Variants in MDC1 observed in about 807,000 individuals in gnomAD.
The protein encoded by MDC1 is mediator of DNA damage checkpoint protein 1.
Under a neutral mutation model 142.5 loss-of-function variants are expected in MDC1, and 81 were observed. That is an observed-to-expected ratio of 0.57 (90% CI 0.47 to 0.68). The LOEUF (loss-of-function observed/expected upper bound fraction) is 0.68. Ranked by LOEUF, MDC1 falls within the 30% of genes least tolerant of loss-of-function variation. The pLI is 0.00. For missense variants in MDC1, 2,119 were observed against 2,547.9 expected, an observed-to-expected ratio of 0.83 and a Z score of 3.62; for synonymous variants, 797 against 968.4, an observed-to-expected ratio of 0.82 and a Z score of 3.29.
intron 14 of MDC1, among the ~76,000 whole-genome samples, chr6:30,701,494 C>T (rs1400941291): frequency 6.6e-6 from 1 of 151,988 alleles, no homozygotes; most frequent in East Asian, 1.9e-4. Context: ...TACAGAGGAA[C>T]AAGATAAATT....
In MDC1 at chr6:30,706,029, G is replaced by A. The variant is rs761031848; in HGVS notation, c.3154C>T (p.Pro1052Ser). Residue 1052 changes from proline to serine, a missense_variant, in exon 10 of 15, where the codon CCC (proline) becomes TCC (serine). Pro to Ser is a moderately conservative substitution (Grantham distance 74, BLOSUM62 -1). Coordinates refer to ENST00000376406, the MANE Select transcript of MDC1 (RefSeq NM_014641.3). ...VPEAPAPPQKPLNSQSQKHLA... is the reference protein window; with the variant it reads ...VPEAPAPPQKSLNSQSQKHLA... ...TGTTTCTGGCTCTGAGAGTTAAGGG[G>A]CTTTTGGGGTGGGGCTGGGGCTTCA... The A allele has an allele frequency of 4.4e-6, 7 of 1,605,194 alleles. No homozygotes were observed. Among genetic ancestry groups the A allele is most frequent in the South Asian group, 2.2e-5 (2 of 91,074 alleles).
chr6:30,702,256 C>CAAAAAAAAAAAA (rs57764077), intron 14 of MDC1, among the ~76,000 whole-genome samples: 35 of 59,112 alleles, frequency 5.9e-4, no homozygotes, highest in East Asian at 2.8e-3. Flanking sequence ...GACTCCATCT[C>CAAAAAAAAAAAA]AAAAAAAAAA....
rs1055321909 is a variant in MDC1 at position 30,708,028 on chromosome 6, C to T, written c.2551G>A (p.Glu851Lys). Reference sequence around the variant, plus strand: ...CTGTCCTGTTTCCCCTTGGTTAATTCTTCCTCTCCTGTCACATCTGTCTGT... The same window carrying T: ...CTGTCCTGTTTCCCCTTGGTTAATTTTTCCTCTCCTGTCACATCTGTCTGT... ...ERQTDVTGEE[E>K]LTKGKQDREQ... Residue 851 changes from glutamate (E) to lysine (K), a missense_variant, in exon 8 of 15, where the codon GAA (glutamate) becomes AAA (lysine). By Grantham distance (56) the Glu-to-Lys change is moderately conservative. Transcript: ENST00000376406. 2.5e-6 allele frequency: 4 copies of T among 1,612,892 alleles called. No homozygotes were observed. The East Asian group carries it at 6.7e-5, about 27-fold the overall frequency.
intron 8 of MDC1, 23 bp from the exon 9 acceptor site, chr6:30,707,477 G>C: frequency 6.2e-7 from 1 of 1,613,074 alleles, no homozygotes; most frequent in Non-Finnish European, 8.5e-7. Context: ...TAAACACAAA[G>C]GTGGCTGAGT....
chr6:30,706,620 T>TAAA (rs9278748), intron 9 of MDC1, among the ~76,000 whole-genome samples: 1 of 42,786 alleles, frequency 2.3e-5, no homozygotes, highest in Admixed American at 3.5e-4. Flanking sequence ...AGACTCTGTC[T>TAAA]AAAAAAAAAA....
rs1437058557 is a variant in MDC1 at position 30,711,862 on chromosome 6, G to A, written c.2068+12C>T. 1 of 1,537,204 alleles carries A rather than the reference G, an allele frequency of 6.5e-7. No individual in the cohort carries two copies. The highest frequency in any genetic ancestry group is 1.4e-5 in the African/African-American group (1 of 72,608). On this transcript the variant is annotated intron_variant, in intron 5 of 14. Transcript: ENST00000376406. ...TGATTTCAGAGGTCTAGGAAGGAAG[G>A]CCAGCACTTACCACCATAGTTGTCT...
intron 7 of MDC1, 59 bp downstream of exon 7, chr6:30,711,352 CA>C: frequency 2.1e-6 from 3 of 1,459,308 alleles, no homozygotes; most frequent in Non-Finnish European, 2.9e-6. Flanking sequence ...GCCTGAGTGA[CA>C]GAGGAAAAAA....
chr6:30,700,753 C>A, intron 14 of MDC1, 121 bp from the exon 15 acceptor site: 1 of 969,966 alleles, frequency 1.0e-6, no homozygotes, highest in East Asian at 2.5e-5. Context: ...CCAAGTGAAG[C>A]ACACCGCATA....
chr6:30,708,402 A>AAGAGGG, intron 7 of MDC1, 45 bp from the exon 8 acceptor site: 1 of 1,514,610 alleles, frequency 6.6e-7, no homozygotes, highest in Non-Finnish European at 9.0e-7. Context: ...AGGGAGAGAA[A>AAGAGGG]AGAGGGAGAG....
In MDC1 at chr6:30,716,227, CT is replaced by C. The variant is rs113041889; in HGVS notation, c.-4+1017del. ...ATTCAGTTCAAATGTCACTTTCTTTCTTTTTTTTTTTTTTGAGATGGAATCT... is the reference window on the plus strand; with the variant it reads ...ATTCAGTTCAAATGTCACTTTCTTTCTTTTTTTTTTTTTGAGATGGAATCT... On this transcript the variant is annotated intron_variant, in intron 1 of 14. Coordinates refer to ENST00000376406, the MANE Select transcript of MDC1 (RefSeq NM_014641.3). The surrounding 1 kb of genome is among the most constrained non-coding windows in gnomAD (Gnocchi z 4.4). Among the ~76,000 whole-genome samples the C allele has an allele frequency of 1.9e-3, 273 of 144,160 alleles. No individual in the cohort carries two copies. The highest frequency in any genetic ancestry group is 2.1e-3 in the Non-Finnish European group (135 of 65,276). 94.6% of individuals were successfully genotyped at this position (144,160 alleles called of 152,430 possible).
chr6:30,713,144 C>T lies in MDC1; in HGVS notation c.798G>A (p.Lys266=), dbSNP rs747614617. Residue 266 remains lysine (K), a synonymous_variant, in exon 5 of 15, where the codon AAG becomes AAA. Coordinates refer to ENST00000376406, the MANE Select transcript of MDC1 (RefSeq NM_014641.3). The surrounding 1 kb of genome is among the most constrained non-coding windows in gnomAD (Gnocchi z 4.9). ...TGACTTTTGTATCATTGTCCCTCTC[C>T]TTCACTAAAGGCTGATCCTTTTCAA... is the stretch of plus-strand genomic sequence containing the variant. ...IQLEKDQPLV[K]ERDNDTKVKR... 7 of 1,612,906 alleles carry T rather than the reference C, an allele frequency of 4.3e-6. No homozygotes were observed. The highest frequency in any genetic ancestry group is 5.9e-6 in the Non-Finnish European group (7 of 1,179,834).
chr6:30,702,053 G>A (rs1375846716), intron 14 of MDC1, among the ~76,000 whole-genome samples: 1 of 151,738 alleles, frequency 6.6e-6, no homozygotes, highest in Non-Finnish European at 1.5e-5. Context: ...ATGACCTCAG[G>A]AGATCAAGAC....
intron 7 of MDC1, 30 bp from the exon 8 acceptor site, chr6:30,708,387 G>C: frequency 6.4e-7 from 1 of 1,564,938 alleles, no homozygotes; most frequent in African/African-American, 1.4e-5. Context: ...GAGAGAGAGA[G>C]GGAGAGGGAG....
rs897856130 is a variant in MDC1 at position 30,702,962 on chromosome 6, A to G, written c.5866-85T>C. The stretch of plus-strand genomic sequence containing the variant: ...CTAGCATTTAGAGAGAGCTCACAAA[A>G]TGTCTTTTAAATCAATGCAGGCTTC... On this transcript the variant is annotated intron_variant, in intron 12 of 14. Transcript: ENST00000376406. 8 of 1,599,530 alleles carry G rather than the reference A, an allele frequency of 5.0e-6. No homozygotes were observed. The East Asian group carries it at 1.3e-4, about 27-fold the overall frequency.
Position 30,713,597 on chromosome 6 carries a change from C to T in MDC1, c.587+51G>A, listed in dbSNP as rs774696758. ...CTTTTAGAGATTGATCCTCCAGCCC[C>T]TGGTTCTTCCTCATTTTGAAGACTC... On this transcript the variant is annotated intron_variant, in intron 4 of 14. Transcript: ENST00000376406. This position sits in a 1 kb window ranked among gnomAD's most constrained non-coding sequence, Gnocchi z 4.9. 15 of 1,559,170 alleles carry T rather than the reference C, an allele frequency of 9.6e-6. No homozygotes were observed. The highest frequency in any genetic ancestry group is 1.3e-5 in the Non-Finnish European group (15 of 1,135,342).
rs768146140 is a variant in MDC1, at chr6:30,711,500, G to A, written c.2133C>T (p.Val711=). The change falls in exon 7 of 15, where the codon GTC becomes GTT. Residue 711 remains valine, a synonymous_variant. Transcript: ENST00000376406. ...GGGTAGGTTCATCCTCCATGCTCTG[G>A]ACTGCTGTACAGGAAAAGATGGCCT... is the stretch of plus-strand genomic sequence containing the variant. ...CFLENQGLEA[V]QSMEDEPTQA... The A allele has an allele frequency of 1.2e-6, 2 of 1,612,988 alleles. No individual in the cohort carries two copies. The highest frequency in any genetic ancestry group is 1.7e-6 in the Non-Finnish European group (2 of 1,179,948).
chr6:30,707,339 A>C, intron 9 of MDC1, 45 bp downstream of exon 9: 1 of 1,557,296 alleles, frequency 6.4e-7, no homozygotes, highest in East Asian at 2.2e-5. Context: ...TGGAGAAGAT[A>C]TAGAGATGAC....
chr6:30,705,813 C>T lies in MDC1; in HGVS notation c.3370G>A (p.Ala1124Thr), dbSNP rs1206785427. The T allele has an allele frequency of 2.5e-6, 4 of 1,612,080 alleles. No homozygotes were observed. The highest frequency in any genetic ancestry group is 2.7e-5 in the African/African-American group (2 of 74,746). ...RMTPFPATSA[A>T]PEPHPSTSTA... ...GAGGTGGAAGGGTGGGGCTCAGGGGCAGCAGAGGTAGCTGGAAAGGGTGTC... is the reference window on the plus strand; with the variant it reads ...GAGGTGGAAGGGTGGGGCTCAGGGGTAGCAGAGGTAGCTGGAAAGGGTGTC... The change falls in exon 10 of 15, where the codon GCC becomes ACC. Residue 1124 changes from alanine (A) to threonine (T), a missense_variant. By Grantham distance (58) the Ala-to-Thr change is moderately conservative (BLOSUM62 0). Transcript: ENST00000376406.
rs747772860 is a variant in MDC1, at chr6:30,704,480, G to A, written c.4703C>T (p.Pro1568Leu). ...GRTNRSSVKT[P>L]ESIVPIAPEL... ...AGGGGCTATAGGGACAATTGATTCA[G>A]GGGTCTTGACAGAGGACCTATTTGT... The change falls in exon 10 of 15, where the codon CCT (proline) becomes CTT (leucine). Residue 1568 changes from proline to leucine, a missense_variant. Physicochemically the swap from Pro to Leu is moderately conservative, Grantham distance 98. Transcript: ENST00000376406. 6.2e-7 allele frequency: 1 copy of A among 1,613,102 alleles called. No individual in the cohort carries two copies. Among genetic ancestry groups the A allele is most frequent in the Non-Finnish European group, 8.5e-7 (1 of 1,179,686 alleles).
Sources: allele counts gnomAD v4.1 joint callset (sites outside exome capture counted in the v4.1 genomes callset), GRCh38; gene constraint gnomAD v4.1.1; non-coding constraint Gnocchi (gnomAD v3.1); transcripts MANE v1.5; gene names NCBI Gene and HGNC (gene_info 2026-07-23, HGNC 2026-07-21).